SNX29: variants seen among roughly 807,000 people sequenced by gnomAD.
The protein encoded by SNX29 is sorting nexin 29.
A neutral mutation model predicts 102.1 loss-of-function variants in SNX29; 78 were observed. That is an observed-to-expected ratio of 0.76 (90% CI 0.64 to 0.92). SNX29 has a LOEUF of 0.92. Ranked by LOEUF, SNX29 falls within the 40% of genes least tolerant of loss-of-function variation. The pLI is 0.00. For synonymous variants in SNX29, 580 were observed against 414.5 expected (o/e 1.40, Z -4.85); for missense variants, 1,280 against 1,061.7 (o/e 1.21, Z -2.86).
chr16:12,188,369 G>T (rs1241490880), intron 13 of SNX29, among the ~76,000 whole-genome samples: 1 of 152,170 alleles, frequency 6.6e-6, no homozygotes, highest in Non-Finnish European at 1.5e-5. Context: ...TTCCCGTCAG[G>T]GCTGTCTGAC....
chr16:12,532,362 C>G (rs949260450), intron 20 of SNX29, among the ~76,000 whole-genome samples: 2 of 152,188 alleles, frequency 1.3e-5, no homozygotes, highest in African/African-American at 4.8e-5. Context: ...GTGGTTCTTT[C>G]AGCAGCTCCC....
intron 16 of SNX29, among the ~76,000 whole-genome samples, chr16:12,384,645 A>G (rs2083285566): frequency 6.6e-6 from 1 of 152,104 alleles, no homozygotes; most frequent in Non-Finnish European, 1.5e-5. Flanking sequence ...TAGTTTGCAG[A>G]TATTTTCTCC....
intron 18 of SNX29, among the ~76,000 whole-genome samples, chr16:12,452,056 T>A (rs1470826601): frequency 6.6e-6 from 1 of 152,178 alleles, no homozygotes; most frequent in African/African-American, 2.4e-5. Context: ...TGAGCCCCAC[T>A]GAAGCTCAGA....
At chr16:12,526,141 G>C (rs1355174454) in intron 20 of SNX29, among the ~76,000 whole-genome samples, 1 of 152,184 alleles carries the variant, frequency 6.6e-6, no homozygotes, top group Non-Finnish European at 1.5e-5. Flanking sequence ...CACTGTTCTG[G>C]GTCGGTGTGA....
chr16:12,307,663 G>A lies in SNX29; in HGVS notation c.1782+29627G>A, dbSNP rs553021044. 7.2e-5 allele frequency among the ~76,000 whole-genome samples: 11 copies of A among 152,354 alleles called. No individual in the cohort carries two copies. In the South Asian group the frequency reaches 2.1e-3, roughly 29 times the overall value. ...CTACACAGGGTCATGAATGGTCTTG[G>A]ATTTGCCGAAGCCTGGAATGGCGTG... On this transcript the variant is annotated intron_variant, in intron 15 of 20. Transcript: ENST00000566228.
At chr16:12,507,232 T>C (rs1403120885) in intron 19 of SNX29, among the ~76,000 whole-genome samples, 1 of 152,190 alleles carries the variant, frequency 6.6e-6, no homozygotes, top group East Asian at 1.9e-4. Flanking sequence ...CTGGGTCCTT[T>C]CCCATCACAT....
intron 14 of SNX29, among the ~76,000 whole-genome samples, chr16:12,202,016 A>G (rs1339902522): frequency 6.6e-6 from 1 of 152,168 alleles, no homozygotes; most frequent in Non-Finnish European, 1.5e-5. Flanking sequence ...GAGTGCCCTG[A>G]GCCACAGCTG....
chr16:12,015,779 C>G, intron 3 of SNX29, among the ~76,000 whole-genome samples: 1 of 151,766 alleles, frequency 6.6e-6, no homozygotes, highest in South Asian at 2.1e-4. Context: ...TCGTGATCTG[C>G]CCACCTTGGC....
chr16:12,391,615 A>G (rs1381774728), intron 16 of SNX29, among the ~76,000 whole-genome samples: 2 of 151,942 alleles, frequency 1.3e-5, no homozygotes, highest in African/African-American at 2.4e-5. Flanking sequence ...CCATCCATCT[A>G]TGCGTGCATC....
At chr16:12,458,832 C>A (rs1473750531) in intron 18 of SNX29, among the ~76,000 whole-genome samples, 1 of 152,182 alleles carries the variant, frequency 6.6e-6, no homozygotes, top group African/African-American at 2.4e-5. Context: ...AGTGAGCACT[C>A]ACACAGGAGA....
intron 19 of SNX29, among the ~76,000 whole-genome samples, chr16:12,502,415 G>A (rs1268132059): frequency 1.3e-5 from 2 of 152,196 alleles, no homozygotes; most frequent in Non-Finnish European, 2.9e-5. Context: ...GGCCCACAGG[G>A]AATGCTTCAC....
At chr16:12,546,242 T>C (rs1207835629) in intron 20 of SNX29, 1 of 152,222 alleles carries the variant, frequency 6.6e-6, no homozygotes, top group Non-Finnish European at 1.5e-5. Flanking sequence ...AAACTTGACC[T>C]CTTTTCGACC....
chr16:12,344,185 T>A (rs2081703416), intron 15 of SNX29, among the ~76,000 whole-genome samples: 1 of 152,220 alleles, frequency 6.6e-6, no homozygotes, highest in Non-Finnish European at 1.5e-5. Flanking sequence ...ATTAAACCTC[T>A]TTTTCTTTAT....
At chr16:12,133,379 C>T (rs2054545999) in intron 13 of SNX29, among the ~76,000 whole-genome samples, 1 of 149,574 alleles carries the variant, frequency 6.7e-6, no homozygotes, top group African/African-American at 2.5e-5. Flanking sequence ...CATCCTCCGC[C>T]TCCTGGGCTC....
At chr16:12,565,324 G>A (rs1225953308) in intron 20 of SNX29, among the ~76,000 whole-genome samples, 2 of 152,166 alleles carry the variant, frequency 1.3e-5, no homozygotes, top group Non-Finnish European at 2.9e-5. Context: ...ACTGTGCTCA[G>A]CAGTCTGGGT....
intron 20 of SNX29, among the ~76,000 whole-genome samples, chr16:12,537,426 C>G (rs576360345): frequency 1.7e-3 from 261 of 152,320 alleles, no homozygotes; most frequent in African/African-American, 6.2e-3. Flanking sequence ...TCCAGCTCAA[C>G]TACATAGCAG....
At chr16:12,473,725 A>C (rs992511473) in intron 18 of SNX29, among the ~76,000 whole-genome samples, 5 of 152,194 alleles carry the variant, frequency 3.3e-5, no homozygotes, top group African/African-American at 1.2e-4. Context: ...AGACGGCTAA[A>C]ACCCACCAAA....
At chr16:12,560,868 C>G (rs1010676038) in intron 20 of SNX29, 4 of 186,020 alleles carry the variant, frequency 2.2e-5, no homozygotes, top group Admixed American at 6.2e-5. Flanking sequence ...GGTGTTAGTC[C>G]TTTAGTTCAA....
chr16:12,476,238 C>T (rs1183111804), intron 18 of SNX29, among the ~76,000 whole-genome samples: 4 of 146,768 alleles, frequency 2.7e-5, no homozygotes, highest in South Asian at 4.4e-4. Context: ...AGGAGAATCG[C>T]TTGAACTTGG....
Sources: allele counts gnomAD v4.1 joint callset (sites outside exome capture counted in the v4.1 genomes callset), GRCh38; gene constraint gnomAD v4.1.1; transcripts MANE v1.5; gene names NCBI Gene and HGNC (gene_info 2026-07-23, HGNC 2026-07-21).